MARCHF4: variants seen among roughly 807,000 people sequenced by gnomAD.
MARCHF4 encodes the protein E3 ubiquitin-protein ligase MARCHF4.
A neutral mutation model predicts 43.9 loss-of-function variants in MARCHF4; 14 were observed. That is an observed-to-expected ratio of 0.32 (90% confidence interval 0.21 to 0.50). MARCHF4 has a LOEUF of 0.50. MARCHF4 is among the 20% of genes least tolerant of loss of function. The pLI, the probability that MARCHF4 is intolerant of heterozygous loss-of-function variation, is 0.98. For synonymous variants in MARCHF4, 226 were observed against 213.3 expected (o/e 1.06, Z -0.52); for missense variants, 468 against 536.7 (o/e 0.87, Z 1.27).
chr2:216,281,924 A>T (rs998893488), intron 2 of MARCHF4, among the ~76,000 whole-genome samples: 1 of 152,148 alleles, frequency 6.6e-6, no homozygotes, highest in African/African-American at 2.4e-5. Flanking sequence ...CCCAGGAAAA[A>T]GTTATCCCTA....
At chr2:216,262,968 T>C (rs753605421) in intron 3 of MARCHF4, among the ~76,000 whole-genome samples, 4 of 152,174 alleles carry the variant, frequency 2.6e-5, no homozygotes, top group Non-Finnish European at 5.9e-5. Context: ...CCCCAGATAT[T>C]TCCAAATGCC....
At chr2:216,309,647 C>T (rs1691651257) in intron 1 of MARCHF4, among the ~76,000 whole-genome samples, 1 of 152,128 alleles carries the variant, frequency 6.6e-6, no homozygotes, top group African/African-American at 2.4e-5. Context: ...CTATTTTAGT[C>T]TGAGCTGAGT....
intron 1 of MARCHF4, among the ~76,000 whole-genome samples, chr2:216,360,516 A>G (rs879567053): frequency 2.9e-5 from 4 of 137,926 alleles, no homozygotes; most frequent in Non-Finnish European, 6.4e-5. Context: ...GAAAAAGCCA[A>G]TCTGAAAAGG....
At chr2:216,352,997 G>C (rs1013382077) in intron 1 of MARCHF4, among the ~76,000 whole-genome samples, 2 of 152,116 alleles carry the variant, frequency 1.3e-5, no homozygotes, top group African/African-American at 4.8e-5. Context: ...CCCCTTGTGT[G>C]GGAGAAAGAT....
intron 3 of MARCHF4, 53 bp from the exon 4 acceptor site, chr2:216,259,732 C>A: frequency 6.4e-7 from 1 of 1,551,292 alleles, no homozygotes; most frequent in Non-Finnish European, 8.8e-7. Flanking sequence ...AAGTGGGTCA[C>A]GGCCAGGAGA....
At chr2:216,360,716 T>G (rs1241176618) in intron 1 of MARCHF4, among the ~76,000 whole-genome samples, 7 of 152,198 alleles carry the variant, frequency 4.6e-5, no homozygotes, top group African/African-American at 1.7e-4. Context: ...ACCCTTAGAA[T>G]GTACGATATC....
intron 1 of MARCHF4, 41 bp from the exon 2 acceptor site, chr2:216,283,770 A>G (rs1237275831): frequency 1.3e-6 from 2 of 1,537,730 alleles, no homozygotes; most frequent in Non-Finnish European, 1.8e-6. Context: ...TGAGACCTAC[A>G]GTGGCTGGTG....
intron 1 of MARCHF4, among the ~76,000 whole-genome samples, chr2:216,360,259 T>A (rs62178560): frequency 2.6e-5 from 4 of 152,220 alleles, no homozygotes; most frequent in Non-Finnish European, 5.9e-5. Context: ...CCATTTATAC[T>A]ATTATTTTCT....
Position 216,370,140 on chromosome 2 carries a change from G to A in MARCHF4, c.121C>T (p.Arg41Cys), listed in dbSNP as rs754079105. 4 of 1,608,218 alleles carry A rather than the reference G, an allele frequency of 2.5e-6. No individual in the cohort carries two copies. The highest frequency in any genetic ancestry group is 1.3e-5 in the African/African-American group (1 of 74,992). Residue 41 changes from arginine to cysteine, a missense_variant, in exon 1 of 4, where the codon CGC (arginine) becomes TGC (cysteine). Physicochemically the swap from Arg to Cys is radical, Grantham distance 180 (BLOSUM62 -3). This residue lies in a region of MARCHF4 where 190 missense variants were observed against 158.5 expected (regional missense o/e 1.20). Coordinates refer to ENST00000273067, the MANE Select transcript of MARCHF4 (RefSeq NM_020814.3). The stretch of plus-strand genomic sequence containing the variant: ...AGGTCATTGAAGAGCATGCGGCAGC[G>A]GCACTTGAGGAGACCCTGGTGGCGC... ...MLRHQGLLKC[R>C]CRMLFNDLKV...
chr2:216,263,002 C>T (rs1199507301), intron 3 of MARCHF4, among the ~76,000 whole-genome samples: 2 of 152,188 alleles, frequency 1.3e-5, no homozygotes, highest in African/African-American at 4.8e-5. Flanking sequence ...CCCATCTCTG[C>T]CAAGCACTGA....
At chr2:216,334,746 A>G (rs925336523) in intron 1 of MARCHF4, among the ~76,000 whole-genome samples, 1 of 152,244 alleles carries the variant, frequency 6.6e-6, no homozygotes, top group African/African-American at 2.4e-5. Flanking sequence ...GTACAGCAGC[A>G]ATGGAAAACT....
At chr2:216,369,639 C>A in intron 1 of MARCHF4, 106 bp downstream of exon 1, 2 of 914,198 alleles carry the variant, frequency 2.2e-6, no homozygotes, top group Non-Finnish European at 1.7e-6. Flanking sequence ...ACATAGAGTC[C>A]TCATACTAAA....
rs550688613 is a variant in MARCHF4 at position 216,324,898 on chromosome 2, C to T, written c.517-41169G>A. Among the ~76,000 whole-genome samples, 24 of 148,060 alleles carry T rather than the reference C, an allele frequency of 1.6e-4. No homozygotes were observed. In the East Asian group the frequency reaches 2.0e-3, roughly 12 times the overall value. ...AAACTGGAAGCATTCCCTTTGAAAA[C>T]GGGCACAAGACAGGGATGCCCTCTC... On this transcript the variant is annotated intron_variant, in intron 1 of 3. Coordinates refer to ENST00000273067, the MANE Select transcript of MARCHF4 (RefSeq NM_020814.3).
chr2:216,263,667 A>C (rs1352459663), intron 3 of MARCHF4, among the ~76,000 whole-genome samples: 3 of 152,188 alleles, frequency 2.0e-5, no homozygotes, highest in Admixed American at 6.5e-5. Context: ...ATGGAAATCA[A>C]GAAGGACATG....
intron 1 of MARCHF4, among the ~76,000 whole-genome samples, chr2:216,324,468 G>C (rs1175109097): frequency 6.6e-6 from 1 of 152,044 alleles, no homozygotes; most frequent in Non-Finnish European, 1.5e-5. Context: ...CATTTTATGA[G>C]GCCAGCATCA....
At chr2:216,325,272 C>T (rs1691970028) in intron 1 of MARCHF4, among the ~76,000 whole-genome samples, 1 of 152,112 alleles carries the variant, frequency 6.6e-6, no homozygotes, top group Admixed American at 6.5e-5. Flanking sequence ...TGTGAAAGAC[C>T]TCTTCAAGGA....
Position 216,372,385 on chromosome 2 carries a change from T to TG in MARCHF4, c.-2126dup, listed in dbSNP as rs1232349929. Among the ~76,000 whole-genome samples the TG allele has an allele frequency of 6.8e-6, 1 of 147,380 alleles. No homozygotes were observed. Among genetic ancestry groups the TG allele is most frequent in the African/African-American group, 2.5e-5 (1 of 39,490 alleles). On this transcript the variant is annotated 5_prime_UTR_variant, in exon 1 of 4. Coordinates refer to ENST00000273067, the MANE Select transcript of MARCHF4 (RefSeq NM_020814.3). ...ACCCAGACCCCGCGCGTCACGCTCG[T>TG]GGGGGCCTGACGCAGACGCCGCGGA...
chr2:216,327,262 C>T (rs536065710), intron 1 of MARCHF4, among the ~76,000 whole-genome samples: 1 of 152,066 alleles, frequency 6.6e-6, no homozygotes, highest in East Asian at 1.9e-4. Context: ...GCCCCATGCC[C>T]TTTCTATTCC....
chr2:216,332,961 A>T (rs1018177563), intron 1 of MARCHF4, among the ~76,000 whole-genome samples: 1 of 152,226 alleles, frequency 6.6e-6, no homozygotes, highest in Admixed American at 6.5e-5. Context: ...TTGCATATCC[A>T]TACCAAAAAA....
Sources: allele counts gnomAD v4.1 joint callset (sites outside exome capture counted in the v4.1 genomes callset), GRCh38; gene constraint gnomAD v4.1.1; regional missense constraint gnomAD v4.1.1; transcripts MANE v1.5; gene names NCBI Gene and HGNC (gene_info 2026-07-23, HGNC 2026-07-21).